UBR4: variants seen among roughly 807,000 people sequenced by gnomAD.
UBR4 encodes the protein ubiquitin protein ligase E3 component n-recognin 4.
A neutral mutation model predicts 575.6 loss-of-function variants in UBR4; 124 were observed. The observed-to-expected ratio is 0.22, with a 90% CI of 0.19 to 0.25. The LOEUF is 0.25. UBR4 is among the 10% of genes least tolerant of loss of function. UBR4 has a pLI of 1.00. For missense variants in UBR4, 4,818 were observed against 6,478.8 expected (o/e 0.74, Z 8.80); for synonymous variants, 2,455 against 2,473.7 (o/e 0.99, Z 0.22).
At chr1:19,132,269 C>A (rs2082567245) in intron 60 of UBR4, among the ~76,000 whole-genome samples, 1 of 152,020 alleles carries the variant, frequency 6.6e-6, no homozygotes, top group Non-Finnish European at 1.5e-5. Flanking sequence ...GCAACCTCCA[C>A]CTCCCACATT....
In UBR4 at chr1:19,150,606, G is replaced by C. The variant is rs1341335099; in HGVS notation, c.7401C>G (p.Pro2467=). The part of the protein sequence containing the change: ...NGTGDSDSAA[P]TTTSGTVLER... ...CCAGGACAGTTCCACTGGTCGTAGTGGGGGCAGCTGAGTCGCTATCTCCAG... is the reference window on the plus strand; with the variant it reads ...CCAGGACAGTTCCACTGGTCGTAGTCGGGGCAGCTGAGTCGCTATCTCCAG... Residue 2467 remains proline, a synonymous_variant, in exon 49 of 106, where the codon CCC becomes CCG. Coordinates refer to ENST00000375254, the MANE Select transcript of UBR4 (RefSeq NM_020765.3). 2 of 1,613,504 alleles carry C rather than the reference G, an allele frequency of 1.2e-6. No homozygotes were observed. The highest frequency in any genetic ancestry group is 1.3e-5 in the African/African-American group (1 of 74,888).
chr1:19,170,425 G>C (rs1242532636), intron 26 of UBR4, among the ~76,000 whole-genome samples: 1 of 152,156 alleles, frequency 6.6e-6, no homozygotes, highest in Non-Finnish European at 1.5e-5. Context: ...GTGGGGAGGG[G>C]AGGGGAGGAG....
In UBR4 at chr1:19,159,603, C is replaced by CA. The variant is rs2086974835; in HGVS notation, c.5577+507_5577+508insT. The stretch of plus-strand genomic sequence containing the variant: ...GACCCTGGATTCCCCAGCCCCACTC[C>CA]TTTTTTTTTTTTTTTTTGAGAGAGA... On this transcript the variant is annotated intron_variant, in intron 39 of 105. Transcript: ENST00000375254. Among the ~76,000 whole-genome samples the CA allele has an allele frequency of 5.7e-5, 8 of 139,718 alleles. No homozygotes were observed. In the Admixed American group the frequency reaches 5.7e-4, roughly 10 times the overall value. 91.7% of individuals were successfully genotyped at this position (139,718 alleles called of 152,430 possible). A position where few individuals can be genotyped will look rare whatever the true frequency, so the allele number is the denominator to read the frequency against.
intron 70 of UBR4, among the ~76,000 whole-genome samples, chr1:19,119,206 T>A (rs904619114): frequency 6.6e-6 from 1 of 152,172 alleles, no homozygotes; most frequent in African/African-American, 2.4e-5. Context: ...TTTATTTTTA[T>A]GGAGAAGCCA....
chr1:19,148,482 C>G, intron 50 of UBR4, 81 bp downstream of exon 50: 2 of 1,524,378 alleles, frequency 1.3e-6, no homozygotes, highest in Non-Finnish European at 1.8e-6. Flanking sequence ...TCTTTAGCTT[C>G]GAGGCCTCAG....
chr1:19,193,399 T>G (rs780503735), intron 9 of UBR4, 34 bp downstream of exon 9: 3 of 1,609,038 alleles, frequency 1.9e-6, no homozygotes, highest in Non-Finnish European at 2.5e-6. Context: ...ATTTGAACAA[T>G]CAAGGTTCCC....
In UBR4 at chr1:19,074,743, C is replaced by T. The variant is rs1024386906; in HGVS notation, c.*89G>A. 2.0e-6 allele frequency: 3 copies of T among 1,464,300 alleles called. No homozygotes were observed. The highest frequency in any genetic ancestry group is 1.9e-6 in the Non-Finnish European group (2 of 1,059,200). 90.7% of individuals were successfully genotyped at this position (1,464,300 alleles called of 1,614,324 possible). A position where few individuals can be genotyped will look rare whatever the true frequency, so the allele number is the denominator to read the frequency against. ...AGGGCGGGGTAACAATGCAGCATCC[C>T]GCGGAGGGAACTTAATGCACAAGGA... On this transcript the variant is annotated 3_prime_UTR_variant, in exon 106 of 106. Coordinates refer to ENST00000375254, the MANE Select transcript of UBR4 (RefSeq NM_020765.3).
intron 1 of UBR4, among the ~76,000 whole-genome samples, chr1:19,204,788 G>A (rs573734966): frequency 1.4e-3 from 219 of 152,068 alleles, no homozygotes; most frequent in Middle Eastern, 3.2e-3. Flanking sequence ...ACTTGAAGGA[G>A]GAAATAGAGA....
At chr1:19,104,808 G>A in intron 85 of UBR4, 142 bp from the exon 86 acceptor site, 1 of 1,115,104 alleles carries the variant, frequency 9.0e-7, no homozygotes, top group Non-Finnish European at 1.3e-6. Context: ...TCCTTTCCAG[G>A]AAGCCAACAG....
rs1439712439 is a variant in UBR4, at chr1:19,157,129, A to T, written c.5761-204T>A. On this transcript the variant is annotated intron_variant, in intron 40 of 105. Coordinates refer to ENST00000375254, the MANE Select transcript of UBR4 (RefSeq NM_020765.3). The surrounding 1 kb of genome is among the most constrained non-coding windows in gnomAD (Gnocchi z 4.4). ...AATGTATTTCCATGGAGGACAGAAC[A>T]GGTAAGTAATGAAAACAATTTCTCT... Among the ~76,000 whole-genome samples the T allele has an allele frequency of 6.6e-6, 1 of 152,246 alleles. No individual in the cohort carries two copies.
At chr1:19,188,117 T>G (rs1220844921) in intron 11 of UBR4, among the ~76,000 whole-genome samples, 1 of 151,784 alleles carries the variant, frequency 6.6e-6, no homozygotes, top group Admixed American at 6.6e-5. Flanking sequence ...TTTTTGGAAT[T>G]TAAACAATCA....
chr1:19,166,519 T>C (rs1262237970), intron 29 of UBR4, among the ~76,000 whole-genome samples: 1 of 152,078 alleles, frequency 6.6e-6, no homozygotes, highest in Non-Finnish European at 1.5e-5. Context: ...CAAAAAACTC[T>C]TCACACATTT....
intron 25 of UBR4, among the ~76,000 whole-genome samples, chr1:19,171,561 C>G (rs1270258914): frequency 1.3e-5 from 2 of 152,190 alleles, no homozygotes; most frequent in Non-Finnish European, 2.9e-5. Context: ...GCCCACAGAG[C>G]TGGGCACGGT....
At position 19,110,052 on chromosome 1, in the gene UBR4, G is replaced by A; in HGVS notation, c.12105+44C>T. ...CACACTGCCAGGGAATGAGGAGGGT[G>A]GCCGCCCTGCCCTTCCTTGTTAGAC... On this transcript the variant is annotated intron_variant, in intron 81 of 105. Transcript: ENST00000375254. This position sits in a 1 kb window ranked among gnomAD's most constrained non-coding sequence, Gnocchi z 4.5. 2 of 1,611,350 alleles carry A rather than the reference G, an allele frequency of 1.2e-6. No individual in the cohort carries two copies. Among genetic ancestry groups the A allele is most frequent in the Non-Finnish European group, 8.5e-7 (1 of 1,179,086 alleles).
chr1:19,156,452 G>A, intron 41 of UBR4, 29 bp from the exon 42 acceptor site: 1 of 1,605,454 alleles, frequency 6.2e-7, no homozygotes, highest in Non-Finnish European at 8.5e-7. Context: ...ACAAAATGGT[G>A]AAAAGATGAT....
At chr1:19,097,903 G>C (rs564131772) in intron 90 of UBR4, among the ~76,000 whole-genome samples, 13 of 152,292 alleles carry the variant, frequency 8.5e-5, no homozygotes, top group Admixed American at 2.0e-4. Context: ...CCCACAATCT[G>C]ACTAGAATGA....
At chr1:19,111,158 T>C (rs1205942975) in intron 78 of UBR4, among the ~76,000 whole-genome samples, 1 of 152,208 alleles carries the variant, frequency 6.6e-6, no homozygotes, top group Admixed American at 6.5e-5. Flanking sequence ...CCACTCTCAG[T>C]CTTGGTCACA....
At chr1:19,187,039 A>G (rs1015544882) in intron 13 of UBR4, 125 bp downstream of exon 13, 5 of 775,306 alleles carry the variant, frequency 6.4e-6, no homozygotes, top group Non-Finnish European at 6.6e-6. Flanking sequence ...TATAAAGGTC[A>G]TGGTGTGTAG....
intron 78 of UBR4, chr1:19,111,883 G>C (rs543393430): frequency 6.6e-6 from 1 of 152,396 alleles, no homozygotes; most frequent in South Asian, 2.1e-4. Context: ...GCCTGCCAAA[G>C]TGCTGGGATT....
Sources: allele counts gnomAD v4.1 joint callset (sites outside exome capture counted in the v4.1 genomes callset), GRCh38; gene constraint gnomAD v4.1.1; non-coding constraint Gnocchi (gnomAD v3.1); transcripts MANE v1.5; gene names NCBI Gene and HGNC (gene_info 2026-07-23, HGNC 2026-07-21).